The following ARL8B variants were observed in gnomAD, a reference collection of about 807,000 sequenced individuals.
The protein encoded by ARL8B is ADP-ribosylation factor-like protein 8B.
A neutral mutation model predicts 30.6 loss-of-function variants in ARL8B; 9 were observed. That is an observed-to-expected ratio of 0.29 (90% confidence interval 0.18 to 0.51). ARL8B has a LOEUF of 0.51. Among genes scored for constraint, ARL8B ranks in the 20% least tolerant of loss-of-function variants. The pLI, the probability that ARL8B is intolerant of heterozygous loss-of-function variation, is 0.97. For synonymous variants in ARL8B, 74 were observed against 76.0 expected (o/e 0.97, Z 0.14); for missense variants, 130 against 227.2 (o/e 0.57, Z 2.75).
intron 1 of ARL8B, among the ~76,000 whole-genome samples, chr3:5,163,451 G>A (rs2054598654): frequency 6.6e-6 from 1 of 150,874 alleles, no homozygotes; most frequent in Non-Finnish European, 1.5e-5. Flanking sequence ...TCAAATTATT[G>A]ATCTTTGCAA....
chr3:5,148,610 A>G (rs1221813742), intron 1 of ARL8B, among the ~76,000 whole-genome samples: 1 of 152,084 alleles, frequency 6.6e-6, no homozygotes, highest in African/African-American at 2.4e-5. Context: ...TTGAGGGGGA[A>G]CATGGGAGCT....
At chr3:5,160,673 G>A (rs994230608) in intron 1 of ARL8B, among the ~76,000 whole-genome samples, 3 of 152,138 alleles carry the variant, frequency 2.0e-5, no homozygotes, top group Admixed American at 6.5e-5. Context: ...ATGCCATTAC[G>A]CTTTATAAAA....
At chr3:5,123,638 G>C (rs1418786880) in intron 1 of ARL8B, among the ~76,000 whole-genome samples, 1 of 152,148 alleles carries the variant, frequency 6.6e-6, no homozygotes, top group East Asian at 1.9e-4. Flanking sequence ...GATGACTGTT[G>C]AAATCCTGAA....
intron 6 of ARL8B, among the ~76,000 whole-genome samples, chr3:5,177,411 A>G (rs1240999383): frequency 6.6e-6 from 1 of 151,480 alleles, no homozygotes; most frequent in East Asian, 1.9e-4. Context: ...TAGGATATGA[A>G]CTTCTATCAG....
At position 5,178,853 on chromosome 3, in the gene ARL8B, C is replaced by T; in HGVS notation, c.*140C>T. 1 of 1,393,156 alleles carries T rather than the reference C, an allele frequency of 7.2e-7. No individual in the cohort carries two copies. The highest frequency in any genetic ancestry group is 9.6e-7 in the Non-Finnish European group (1 of 1,040,698). 86.3% of individuals were successfully genotyped at this position (1,393,156 alleles called of 1,614,324 possible). The stretch of plus-strand genomic sequence containing the variant: ...CAGAGTTTATTTCTCATGTGCACTG[C>T]TGAAGATGAATATCCCTAATCCTTC... On this transcript the variant is annotated 3_prime_UTR_variant, in exon 7 of 7. Transcript: ENST00000256496.
intron 1 of ARL8B, among the ~76,000 whole-genome samples, chr3:5,145,440 G>A (rs1456391363): frequency 1.3e-5 from 2 of 152,148 alleles, no homozygotes; most frequent in Admixed American, 6.5e-5. Context: ...CTACCAGCAG[G>A]GCTGTGGCAG....
Position 5,144,567 on chromosome 3 carries a change from A to AG in ARL8B, c.123+21980dup, listed in dbSNP as rs369067523. 2.0e-3 allele frequency among the ~76,000 whole-genome samples: 300 copies of AG among 152,328 alleles called. 1 individual carries two copies. Among genetic ancestry groups the AG allele is most frequent in the African/African-American group, 6.7e-3 (279 of 41,572 alleles). Reference sequence around the variant, plus strand: ...TTTACTTATTTCTCTCCCATCAGGAAGTACCCACTTCCCGTTTTCAGTTTG... The same window carrying AG: ...TTTACTTATTTCTCTCCCATCAGGAAGGTACCCACTTCCCGTTTTCAGTTTG... On this transcript the variant is annotated intron_variant, in intron 1 of 6. Transcript: ENST00000256496.
intron 1 of ARL8B, among the ~76,000 whole-genome samples, chr3:5,137,858 G>A (rs1352243066): frequency 6.6e-6 from 1 of 152,118 alleles, no homozygotes; most frequent in African/African-American, 2.4e-5. Context: ...AAAGTGCTAG[G>A]ATTACAGGCA....
rs576763344 is a variant in ARL8B, at chr3:5,170,825, G to A, written c.204+242G>A. ...CCACTCACTGCAACCTCTACCTCCC[G>A]GTTCAAGTGATTCTCCTGCCTCAGC... On this transcript the variant is annotated intron_variant, in intron 2 of 6. Coordinates refer to ENST00000256496, the MANE Select transcript of ARL8B (RefSeq NM_018184.3). 82 of 312,608 alleles carry A rather than the reference G, an allele frequency of 2.6e-4. No homozygotes were observed. In the East Asian group the frequency reaches 4.6e-3, roughly 18 times the overall value. The allele number at this position is 312,608 out of a possible 1,614,324, so 19.4% of individuals were successfully genotyped here.
intron 1 of ARL8B, among the ~76,000 whole-genome samples, chr3:5,130,415 T>G (rs1384276088): frequency 6.6e-6 from 1 of 152,146 alleles, no homozygotes; most frequent in African/African-American, 2.4e-5. Context: ...TGCTGCTATT[T>G]TGTTTTAGAA....
intron 1 of ARL8B, among the ~76,000 whole-genome samples, chr3:5,124,478 T>G (rs1238799409): frequency 6.6e-6 from 1 of 151,666 alleles, no homozygotes; most frequent in Non-Finnish European, 1.5e-5. Context: ...TTTCTTTTCT[T>G]TTTTGGAGAC....
chr3:5,179,644 C>CT lies in ARL8B; in HGVS notation c.*933dup, dbSNP rs1209814387. ...TAAATCAGTGCTGCTGCATGACACT[C>CT]TTAACTCCTGACTTTTTATATCCAG... On this transcript the variant is annotated 3_prime_UTR_variant, in exon 7 of 7. Transcript: ENST00000256496. 1 of 152,656 alleles carries CT rather than the reference C, an allele frequency of 6.6e-6. No individual in the cohort carries two copies. Among genetic ancestry groups the CT allele is most frequent in the Non-Finnish European group, 1.5e-5 (1 of 68,024 alleles). The allele number at this position is 152,656 out of a possible 1,614,324, so 9.5% of individuals were successfully genotyped here. A position where few individuals can be genotyped will look rare whatever the true frequency, so the allele number is the denominator to read the frequency against.
At chr3:5,137,209 A>G (rs1328359597) in intron 1 of ARL8B, among the ~76,000 whole-genome samples, 2 of 151,970 alleles carry the variant, frequency 1.3e-5, no homozygotes, top group Admixed American at 1.3e-4. Context: ...GTGAGGTAAG[A>G]CAGTTGGCAC....
intron 1 of ARL8B, among the ~76,000 whole-genome samples, chr3:5,132,390 C>T (rs1039355903): frequency 6.6e-6 from 1 of 152,102 alleles, no homozygotes; most frequent in Non-Finnish European, 1.5e-5. Flanking sequence ...GCTCTCCCCA[C>T]CATGCCCTGC....
At chr3:5,163,877 A>G (rs1406786474) in intron 1 of ARL8B, among the ~76,000 whole-genome samples, 1 of 152,238 alleles carries the variant, frequency 6.6e-6, no homozygotes, top group East Asian at 1.9e-4. Context: ...TCTTGGGAGA[A>G]AAAAAGAGAG....
At chr3:5,154,368 G>T (rs561695848) in intron 1 of ARL8B, among the ~76,000 whole-genome samples, 2 of 118,566 alleles carry the variant, frequency 1.7e-5, no homozygotes, top group Admixed American at 7.8e-5. Context: ...GGGTCTCGCT[G>T]TGTTGCCCGA....
intron 1 of ARL8B, among the ~76,000 whole-genome samples, chr3:5,123,180 C>T (rs1243127213): frequency 1.3e-5 from 2 of 152,168 alleles, no homozygotes; most frequent in Non-Finnish European, 2.9e-5. Flanking sequence ...CATTGCTGAG[C>T]TCCAGCTAGC....
chr3:5,175,554 C>A (rs1368941682), intron 6 of ARL8B, among the ~76,000 whole-genome samples: 1 of 152,224 alleles, frequency 6.6e-6, no homozygotes, highest in Non-Finnish European at 1.5e-5. Flanking sequence ...AAATACCCTT[C>A]ATTTACTCAA....
Position 5,172,133 on chromosome 3 carries a change from C to G in ARL8B, c.205-17C>G. 5 of 1,606,290 alleles carry G rather than the reference C, an allele frequency of 3.1e-6. No homozygotes were observed. Among genetic ancestry groups the G allele is most frequent in the Non-Finnish European group, 4.3e-6 (5 of 1,174,864 alleles). On this transcript the variant is annotated splice_polypyrimidine_tract_variant and intron_variant, in intron 2 of 6. Coordinates refer to ENST00000256496, the MANE Select transcript of ARL8B (RefSeq NM_018184.3). The stretch of plus-strand genomic sequence containing the variant: ...TTAAAATATCTTTATTAAGAATTGC[C>G]TTGTTTTGATTTAAAGATCTGGGAC...
Sources: allele counts gnomAD v4.1 joint callset (sites outside exome capture counted in the v4.1 genomes callset), GRCh38; gene constraint gnomAD v4.1.1; transcripts MANE v1.5; gene names NCBI Gene and HGNC (gene_info 2026-07-23, HGNC 2026-07-21).